DSE: variants seen among roughly 807,000 people sequenced by gnomAD.
The protein encoded by DSE is dermatan sulfate epimerase.
In DSE, 36 loss-of-function variants were observed where a neutral mutation model predicts 84.4. The ratio of observed to expected loss-of-function variants is 0.43; its 90% CI spans 0.33 to 0.56. The LOEUF (loss-of-function observed/expected upper bound fraction) is 0.56. Ranked by LOEUF, DSE falls within the 20% of genes least tolerant of loss-of-function variation. DSE has a pLI of 0.06. For synonymous variants in DSE, 410 were observed against 430.1 expected (o/e 0.95, Z 0.58); for missense variants, 862 against 1,169.6 (o/e 0.74, Z 3.84).
intron 2 of DSE, among the ~76,000 whole-genome samples, chr6:116,321,352 T>TTG (rs1200937112): frequency 0.01 from 56 of 5,506 alleles, no homozygotes; most frequent in Admixed American, 0.028. Context: ...TTTTTTTTTT[T>TTG]GGTAGGGATG....
At chr6:116,318,836 T>G (rs1776139733) in intron 2 of DSE, among the ~76,000 whole-genome samples, 1 of 152,228 alleles carries the variant, frequency 6.6e-6, no homozygotes, top group Admixed American at 6.5e-5. Flanking sequence ...ACAATAATAA[T>G]GCTAACGTAT....
chr6:116,384,744 A>G (rs1046126683), intron 1 of DSE, among the ~76,000 whole-genome samples: 5 of 152,192 alleles, frequency 3.3e-5, no homozygotes, highest in African/African-American at 9.7e-5. Flanking sequence ...CAACTAATAT[A>G]TATTTTTTAA....
chr6:116,425,284 A>G (rs1478386273), intron 2 of DSE, among the ~76,000 whole-genome samples: 1 of 152,218 alleles, frequency 6.6e-6, no homozygotes, highest in East Asian at 1.9e-4. Flanking sequence ...TTTGAGAAAG[A>G]GGTCAAGGCT....
chr6:116,371,196 C>T, intron 1 of DSE, 75 bp downstream of exon 1: 1 of 985,492 alleles, frequency 1.0e-6, no homozygotes, highest in Middle Eastern at 5.2e-4. Flanking sequence ...GGCGGGTAGC[C>T]TTCGGGGCTG....
chr6:116,279,801 G>A, intron 2 of DSE: 1 of 1,612,960 alleles, frequency 6.2e-7, no homozygotes, highest in Non-Finnish European at 8.5e-7. Context: ...GGAGGGGAGT[G>A]GTCCTCTTGA....
chr6:116,321,823 C>T (rs552970500), intron 2 of DSE, among the ~76,000 whole-genome samples: 4 of 152,140 alleles, frequency 2.6e-5, no homozygotes, highest in Admixed American at 6.5e-5. Flanking sequence ...TAGTGTCTGC[C>T]TTCTCCCCTA....
intron 1 of DSE, among the ~76,000 whole-genome samples, chr6:116,380,718 C>G (rs1051354504): frequency 2.6e-5 from 4 of 152,196 alleles, no homozygotes; most frequent in African/African-American, 9.6e-5. Flanking sequence ...GTCTCAGACC[C>G]TGCCTCCCAG....
intron 2 of DSE, among the ~76,000 whole-genome samples, chr6:116,363,522 C>T (rs1779017326): frequency 6.6e-6 from 1 of 151,886 alleles, no homozygotes; most frequent in Non-Finnish European, 1.5e-5. Flanking sequence ...TTGATTCATG[C>T]AATAAAAAGA....
At chr6:116,316,820 C>CTATTATTAT (rs796894874) in intron 2 of DSE, among the ~76,000 whole-genome samples, 18 of 97,530 alleles carry the variant, frequency 1.8e-4, no homozygotes, top group East Asian at 1.1e-3. Context: ...ACTACTACTA[C>CTATTATTAT]TACTACTATT....
intron 2 of DSE, among the ~76,000 whole-genome samples, chr6:116,362,193 G>A (rs1417371127): frequency 6.6e-6 from 1 of 152,230 alleles, no homozygotes; most frequent in Non-Finnish European, 1.5e-5. Flanking sequence ...CCAATATACA[G>A]TCTAAGTGTT....
chr6:116,271,800 A>T (rs1004337695), intron 2 of DSE, among the ~76,000 whole-genome samples: 3 of 152,220 alleles, frequency 2.0e-5, no homozygotes, highest in Non-Finnish European at 4.4e-5. Flanking sequence ...TCTATTTTTT[A>T]AATTATCAAT....
In DSE at chr6:116,259,046, T is replaced by C. The variant is rs982308407; in HGVS notation, c.-54+79T>C. On this transcript the variant is annotated intron_variant, in intron 2 of 3. Transcript: ENST00000430252. ...TCACTGATGTGCACATCATCAGTGCTCCACTTCCCAAAGAGCTTGATGTCT... is the reference window on the plus strand; with the variant it reads ...TCACTGATGTGCACATCATCAGTGCCCCACTTCCCAAAGAGCTTGATGTCT... 3.9e-6 allele frequency: 6 copies of C among 1,547,196 alleles called. No homozygotes were observed. In the Admixed American group the frequency reaches 1.0e-4, roughly 26 times the overall value.
intron 2 of DSE, among the ~76,000 whole-genome samples, chr6:116,364,124 C>G (rs1454709449): frequency 6.6e-6 from 1 of 152,182 alleles, no homozygotes; most frequent in Non-Finnish European, 1.5e-5. Flanking sequence ...ATACTTTTCT[C>G]ACTTAGATGA....
Position 116,437,661 on chromosome 6 carries a change from GA to G in DSE, c.*321del. Reference sequence around the variant, plus strand: ...TTTAAAGTAATGTTTTTTCTTATGAGAAAAAGGTTTAGATAGAATTGGGTTT... The same window carrying G: ...TTTAAAGTAATGTTTTTTCTTATGAGAAAAGGTTTAGATAGAATTGGGTTT... On this transcript the variant is annotated 3_prime_UTR_variant, in exon 6 of 6. Transcript: ENST00000644252. 5.2e-6 allele frequency: 1 copy of G among 192,252 alleles called. No homozygotes were observed. Among genetic ancestry groups the G allele is most frequent in the Non-Finnish European group, 1.0e-5 (1 of 95,314 alleles). 11.9% of individuals were successfully genotyped at this position (192,252 alleles called of 1,614,324 possible).
chr6:116,372,070 TGGTTTAGC>T (rs1301115649), intron 1 of DSE, among the ~76,000 whole-genome samples: 1 of 152,266 alleles, frequency 6.6e-6, no homozygotes, highest in Non-Finnish European at 1.5e-5. Context: ...TAGAAAGTCA[TGGTTTAGC>T]ACTGTTAATT....
rs376732389 is a variant in DSE at position 116,371,386 on chromosome 6, C to T, written c.-54+265C>T. 1.6e-4 allele frequency among the ~76,000 whole-genome samples: 25 copies of T among 152,352 alleles called. No homozygotes were observed. The East Asian group carries it at 3.9e-3, about 24-fold the overall frequency. The stretch of plus-strand genomic sequence containing the variant: ...GGGCAGCTTTTCGATCCTCCCCACC[C>T]CCTTGAACGCCGAGCACCGAGCCGG... On this transcript the variant is annotated intron_variant, in intron 1 of 5. Coordinates refer to ENST00000644252, the MANE Select transcript of DSE (RefSeq NM_013352.4).
At chr6:116,276,431 ACTG>A (rs1215378708) in intron 2 of DSE, 3 of 152,234 alleles carry the variant, frequency 2.0e-5, no homozygotes, top group Non-Finnish European at 2.9e-5. Context: ...AGCAGTTGCA[ACTG>A]CTAACGTTTT....
intron 2 of DSE, among the ~76,000 whole-genome samples, chr6:116,297,521 G>C (rs933527863): frequency 2.6e-5 from 4 of 152,146 alleles, no homozygotes; most frequent in African/African-American, 9.7e-5. Context: ...ACTAATTTTA[G>C]TGAATTCTAA....
chr6:116,398,878 C>A (rs926914230), intron 1 of DSE, among the ~76,000 whole-genome samples: 1 of 152,102 alleles, frequency 6.6e-6, no homozygotes, highest in Non-Finnish European at 1.5e-5. Context: ...AAAAAATATA[C>A]CATGTGATGT....
Sources: gnomAD v4.1 joint callset for allele counts (sites outside exome capture counted in the v4.1 genomes callset) on GRCh38, gnomAD v4.1.1 for gene constraint, MANE v1.5 for transcripts, NCBI Gene and HGNC (gene_info 2026-07-23, HGNC 2026-07-21) for gene names.